OTOF: variants seen among roughly 807,000 people sequenced by gnomAD.
The protein encoded by OTOF is otoferlin.
In OTOF, 218 loss-of-function variants were observed where a neutral mutation model predicts 236.8. The ratio of observed to expected loss-of-function variants is 0.92; its 90% CI spans 0.82 to 1.03. OTOF has a LOEUF of 1.03. OTOF is among the 50% of genes least tolerant of loss of function. OTOF has a pLI of 0.00. For synonymous variants in OTOF, 1,041 were observed against 1,072.5 expected, an observed-to-expected ratio of 0.97 and a Z score of 0.57; for missense variants, 2,590 against 2,694.4, an observed-to-expected ratio of 0.96 and a Z score of 0.86.
intron 5 of OTOF, among the ~76,000 whole-genome samples, chr2:26,510,031 C>G (rs1037637103): frequency 1.3e-5 from 2 of 152,134 alleles, no homozygotes; most frequent in Admixed American, 6.5e-5. Context: ...TCTAGGGGTG[C>G]CTACAAGACC....
intron 4 of OTOF, among the ~76,000 whole-genome samples, chr2:26,518,522 G>A (rs1409023618): frequency 6.6e-6 from 1 of 152,254 alleles, no homozygotes; most frequent in African/African-American, 2.4e-5. Flanking sequence ...TTCTTTGTTA[G>A]AACATGTGTC....
rs749385382 is a variant in OTOF at position 26,475,401 on chromosome 2, A to C, written c.3084T>G (p.Asp1028Glu). The C allele has an allele frequency of 2.5e-6, 4 of 1,612,992 alleles. No homozygotes were observed. The African/African-American group carries it at 5.3e-5, about 22-fold the overall frequency. ...LYGEAHELRD[D>E]PPIIVIEIYD... Reference sequence around the variant, plus strand: ...AGATTTCAATGACAATGATGGGCGGATCGTCCCTCAGCTCATGAGCTTCAC... The same window carrying C: ...AGATTTCAATGACAATGATGGGCGGCTCGTCCCTCAGCTCATGAGCTTCAC... Residue 1028 changes from aspartate (D) to glutamate (E), a missense_variant, in exon 25 of 47, where the codon GAT (aspartate) becomes GAG (glutamate). Asp to Glu is a conservative substitution (Grantham distance 45, BLOSUM62 2). Transcript: ENST00000272371.
chr2:26,547,692 C>T (rs1285596501), intron 1 of OTOF, among the ~76,000 whole-genome samples: 19 of 152,068 alleles, frequency 1.2e-4, no homozygotes, highest in Non-Finnish European at 2.2e-4. Context: ...AAAAATTAGC[C>T]GGGCGTGGTG....
chr2:26,466,924 C>T, intron 35 of OTOF, 73 bp from the exon 36 acceptor site: 6 of 1,600,838 alleles, frequency 3.7e-6, no homozygotes, highest in South Asian at 2.2e-5. Context: ...CTAACAGCAC[C>T]AGGAGGGCTG....
intron 5 of OTOF, among the ~76,000 whole-genome samples, chr2:26,511,724 T>G (rs13014684): frequency 0.61 from 92,212 of 152,056 alleles, 28,620 homozygotes; most frequent in Middle Eastern, 0.74. Flanking sequence ...GCTCACAGCA[T>G]AGGAGGAGGA....
intron 1 of OTOF, among the ~76,000 whole-genome samples, chr2:26,538,386 T>C (rs1460596963): frequency 3.3e-5 from 5 of 152,246 alleles, no homozygotes; most frequent in African/African-American, 1.2e-4. Flanking sequence ...AGACAGTCTC[T>C]GGCAGTTCCC....
At chr2:26,549,222 T>G (rs1256404723) in intron 1 of OTOF, among the ~76,000 whole-genome samples, 1 of 152,268 alleles carries the variant, frequency 6.6e-6, no homozygotes, top group Non-Finnish European at 1.5e-5. Context: ...TTTAGCTGAA[T>G]TCCACTATGG....
chr2:26,472,667 T>C lies in OTOF; in HGVS notation c.3734-18A>G, dbSNP rs930056044. On this transcript the variant is annotated intron_variant, in intron 29 of 46. Coordinates refer to ENST00000272371, the MANE Select transcript of OTOF (RefSeq NM_194248.3). The stretch of plus-strand genomic sequence containing the variant: ...AAGCCTGACTGGACAGATGGATAGA[T>C]GGACAGACAGGCAGAGGAAGGAGCA... 6 of 1,611,956 alleles carry C rather than the reference T, an allele frequency of 3.7e-6. No individual in the cohort carries two copies. The highest frequency in any genetic ancestry group is 5.1e-6 in the Non-Finnish European group (6 of 1,179,598).
At chr2:26,504,212 T>A (rs925262464) in intron 5 of OTOF, among the ~76,000 whole-genome samples, 4 of 152,120 alleles carry the variant, frequency 2.6e-5, no homozygotes, top group African/African-American at 9.7e-5. Context: ...TCCTCAGAGC[T>A]CCGAGCCCTG....
At chr2:26,495,643 C>G (rs1348660269) in intron 8 of OTOF, among the ~76,000 whole-genome samples, 2 of 152,058 alleles carry the variant, frequency 1.3e-5, no homozygotes, top group Non-Finnish European at 1.5e-5. Context: ...CCAGGCTGTT[C>G]TCAAACTCCC....
At position 26,517,277 on chromosome 2, in the gene OTOF, G is replaced by A. The variant is rs1572469912; in HGVS notation, c.328-678C>T. Among the ~76,000 whole-genome samples the A allele has an allele frequency of 3.3e-5, 5 of 152,322 alleles. No homozygotes were observed. In the South Asian group the frequency reaches 1.0e-3, roughly 32 times the overall value. Reference sequence around the variant, plus strand: ...GCTCTAGTTTCCCCCCCAGTGCACAGGGATCACCCTTCCTCACTGGTCTAG... The same window carrying A: ...GCTCTAGTTTCCCCCCCAGTGCACAAGGATCACCCTTCCTCACTGGTCTAG... On this transcript the variant is annotated intron_variant, in intron 4 of 46. Coordinates refer to ENST00000272371, the MANE Select transcript of OTOF (RefSeq NM_194248.3).
rs749970976 is a variant in OTOF, at chr2:26,475,493, C to A, written c.2992G>T (p.Val998Leu). The change falls in exon 25 of 47, where the codon GTG becomes TTG. Residue 998 changes from valine to leucine, a missense_variant and splice_region_variant. Physicochemically the swap from Val to Leu is conservative, Grantham distance 32. Around this residue, in one of 2 missense-constraint regions of OTOF, gnomAD observed 1,379 missense variants for 1,341.6 expected, o/e 1.03. Coordinates refer to ENST00000272371, the MANE Select transcript of OTOF (RefSeq NM_194248.3). The part of the protein sequence containing the change: ...FFINQSQCTE[V>L]LNETLCPTWD... ...GTGGGACACAGGGTCTCATTCAGCA[C>A]CTGCAGCATGGGATGGGGAGACAGG... is the stretch of plus-strand genomic sequence containing the variant. The A allele has an allele frequency of 1.9e-6, 3 of 1,612,568 alleles. No individual in the cohort carries two copies. The highest frequency in any genetic ancestry group is 2.5e-6 in the Non-Finnish European group (3 of 1,179,712).
At chr2:26,522,422 G>A (rs575017175) in intron 3 of OTOF, among the ~76,000 whole-genome samples, 7 of 152,320 alleles carry the variant, frequency 4.6e-5, no homozygotes, top group African/African-American at 1.7e-4. Flanking sequence ...GTCTTCTATA[G>A]ATATTCTTTG....
rs371051158 is a variant in OTOF at position 26,466,797 on chromosome 2, C to T, written c.4417G>A (p.Gly1473Ser). 3.2e-5 allele frequency: 52 copies of T among 1,614,102 alleles called. No homozygotes were observed. The highest frequency in any genetic ancestry group is 2.1e-4 in the South Asian group (19 of 91,090). ...PLPEDVSREAGYDSTYGMFQG... is the reference protein window; with the variant it reads ...PLPEDVSREASYDSTYGMFQG... ...AACATGCCGTAGGTGGAGTCGTAGCCGGCTTCCCGGGACACGTCCTCTGGG... is the reference window on the plus strand; with the variant it reads ...AACATGCCGTAGGTGGAGTCGTAGCTGGCTTCCCGGGACACGTCCTCTGGG... The change falls in exon 36 of 47, where the codon GGC becomes AGC. Residue 1473 changes from glycine to serine, a missense_variant. This residue lies in a region of OTOF where 1,211 missense variants were observed against 1,352.8 expected (regional missense o/e 0.90). Transcript: ENST00000272371.
Position 26,470,983 on chromosome 2 carries a change from A to C in OTOF, c.3894+138T>G, listed in dbSNP as rs1375825558. 2 of 1,202,856 alleles carry C rather than the reference A, an allele frequency of 1.7e-6. No individual in the cohort carries two copies. Among genetic ancestry groups the C allele is most frequent in the Non-Finnish European group, 1.2e-6 (1 of 814,764 alleles). 74.5% of individuals were successfully genotyped at this position (1,202,856 alleles called of 1,614,324 possible). ...CACTCACCCAGCTCTTTTCCACTGC[A>C]TCTTAGGGGAGGTGTGCTGGCCCAA... On this transcript the variant is annotated intron_variant, in intron 31 of 46. Coordinates refer to ENST00000272371, the MANE Select transcript of OTOF (RefSeq NM_194248.3). This position sits in a 1 kb window ranked among gnomAD's most constrained non-coding sequence, Gnocchi z 4.3.
chr2:26,541,435 A>T (rs977192314), intron 1 of OTOF, among the ~76,000 whole-genome samples: 2 of 152,144 alleles, frequency 1.3e-5, no homozygotes, highest in African/African-American at 2.4e-5. Flanking sequence ...ATTCTTTTTT[A>T]AAAAAGGTTT....
chr2:26,520,982 G>C (rs1666663180), intron 3 of OTOF, among the ~76,000 whole-genome samples: 1 of 152,176 alleles, frequency 6.6e-6, no homozygotes, highest in South Asian at 2.1e-4. Context: ...GTGCTCATCT[G>C]TAGCATTTGC....
chr2:26,527,755 A>G (rs1666843347), intron 3 of OTOF, 77 bp downstream of exon 3: 2 of 1,077,238 alleles, frequency 1.9e-6, no homozygotes, highest in Non-Finnish European at 2.9e-6. Flanking sequence ...TAAGCCCCAA[A>G]CAGAGGGTAG....
chr2:26,463,181 G>A (rs1012548349), intron 41 of OTOF, among the ~76,000 whole-genome samples: 6 of 152,292 alleles, frequency 3.9e-5, no homozygotes, highest in Admixed American at 2.0e-4. Context: ...GTGTATGGGC[G>A]CGTAGACCGT....
Sources: gnomAD v4.1 joint callset for allele counts (sites outside exome capture counted in the v4.1 genomes callset) on GRCh38, gnomAD v4.1.1 for gene constraint, gnomAD v4.1.1 regional missense constraint, Gnocchi (gnomAD v3.1) non-coding constraint, MANE v1.5 for transcripts, NCBI Gene and HGNC (gene_info 2026-07-23, HGNC 2026-07-21) for gene names.